Variants in RGS5 observed in about 807,000 individuals in gnomAD.
RGS5 encodes regulator of G protein signaling 5.
A neutral mutation model predicts 18.9 loss-of-function variants in RGS5; 20 were observed. The observed-to-expected ratio is 1.06, with a 90% CI of 0.74 to 1.54. RGS5 has a LOEUF of 1.54. Among genes scored for constraint, RGS5 ranks in the 40% most tolerant of loss-of-function variants. The pLI, the probability that RGS5 is intolerant of heterozygous loss-of-function variation, is 0.00. For missense variants in RGS5, 201 were observed against 211.8 expected, an observed-to-expected ratio of 0.95 and a Z score of 0.32; for synonymous variants, 57 against 76.2, an observed-to-expected ratio of 0.75 and a Z score of 1.31.
upstream of RGS5, among the ~76,000 whole-genome samples, chr1:163,203,723 G>C (rs1226916159): frequency 6.6e-6 from 1 of 152,140 alleles, no homozygotes; most frequent in East Asian, 1.9e-4. Flanking sequence ...ATTATACTTT[G>C]CTTGGATGAC....
At chr1:163,291,242 T>G (rs1649277875) in intron 2 of RGS5, among the ~76,000 whole-genome samples, 4 of 152,196 alleles carry the variant, frequency 2.6e-5, no homozygotes, top group Admixed American at 2.0e-4. Context: ...GTTTTGCGTT[T>G]GCAAAAATTG....
At chr1:163,191,826 G>A (rs1276638188) in intron 1 of RGS5, among the ~76,000 whole-genome samples, 1 of 152,168 alleles carries the variant, frequency 6.6e-6, no homozygotes, top group Non-Finnish European at 1.5e-5. Context: ...AAACTATGAT[G>A]AGAAGCTTGG....
intron 2 of RGS5, among the ~76,000 whole-genome samples, chr1:163,229,184 G>A (rs1046455863): frequency 1.3e-5 from 2 of 152,156 alleles, no homozygotes; most frequent in African/African-American, 4.8e-5. Flanking sequence ...ATATATAAAG[G>A]AAAGAGGTTT....
intron 1 of RGS5, among the ~76,000 whole-genome samples, chr1:163,171,431 A>T (rs1658292427): frequency 6.6e-6 from 1 of 152,132 alleles, no homozygotes; most frequent in African/African-American, 2.4e-5. Flanking sequence ...TCCATGCTGC[A>T]ACTGTTTTCA....
Position 163,209,155 on chromosome 1 carries a change from A to G in RGS5, c.69+8371T>C, listed in dbSNP as rs1215018588. Among the ~76,000 whole-genome samples, 6 of 152,346 alleles carry G rather than the reference A, an allele frequency of 3.9e-5. No individual in the cohort carries two copies. In the East Asian group the frequency reaches 7.7e-4, roughly 20 times the overall value. ...ACCAAAAAGGCCCTTCCTCCTGGAA[A>G]TTCAAAAACTTTCTATTAAATAACT... is the stretch of plus-strand genomic sequence containing the variant. On this transcript the variant is annotated intron_variant, in intron 1 of 5. Transcript: ENST00000367903.
At chr1:163,208,974 T>C (rs1171545056) in intron 1 of RGS5, among the ~76,000 whole-genome samples, 2 of 152,106 alleles carry the variant, frequency 1.3e-5, no homozygotes, top group East Asian at 3.8e-4. Context: ...ACCCTGCTAA[T>C]AGAGAATCTA....
intron 1 of RGS5, among the ~76,000 whole-genome samples, chr1:163,178,190 A>G (rs1171494054): frequency 1.3e-5 from 2 of 152,192 alleles, no homozygotes; most frequent in Non-Finnish European, 2.9e-5. Flanking sequence ...ACGTGCCTGT[A>G]GTCCCAGCTA....
At chr1:163,160,020 G>C (rs922516209) in intron 3 of RGS5, among the ~76,000 whole-genome samples, 1 of 152,128 alleles carries the variant, frequency 6.6e-6, no homozygotes, top group Non-Finnish European at 1.5e-5. Flanking sequence ...CTGTTTGCAA[G>C]CTGAAAATCT....
chr1:163,203,626 C>T (rs1659858625), upstream of RGS5, among the ~76,000 whole-genome samples: 1 of 152,140 alleles, frequency 6.6e-6, no homozygotes, highest in African/African-American at 2.4e-5. Context: ...AAAAAGTGAT[C>T]TAGGAGACCA....
chr1:163,152,619 G>A lies in RGS5; in HGVS notation c.315C>T (p.Ser105=), dbSNP rs1000650062. ...IACEDYKKIK[S]PAKMAEKAKQ... ...TTGCCTTCTCAGCCATCTTGGCAGG[G>A]GACTTGATCTTCTTGTAATCCTCAC... Residue 105 remains serine, a synonymous_variant, in exon 4 of 5, where the codon TCC becomes TCT. Coordinates refer to ENST00000313961, the MANE Select transcript of RGS5 (RefSeq NM_003617.4). 2 of 1,612,586 alleles carry A rather than the reference G, an allele frequency of 1.2e-6. No homozygotes were observed. The highest frequency in any genetic ancestry group is 1.1e-5 in the South Asian group (1 of 90,742).
intron 2 of RGS5, among the ~76,000 whole-genome samples, chr1:163,229,232 G>A (rs747528427): frequency 6.6e-6 from 1 of 152,164 alleles, no homozygotes; most frequent in Non-Finnish European, 1.5e-5. Flanking sequence ...GGAGGCCTCA[G>A]GAAACTTACA....
At chr1:163,244,375 G>A (rs981402323) in intron 2 of RGS5, 1 of 152,150 alleles carries the variant, frequency 6.6e-6, no homozygotes, top group Non-Finnish European at 1.5e-5. Flanking sequence ...AATGCATTAT[G>A]CTACTCCTGC....
chr1:163,177,177 T>C (rs1425628439), intron 1 of RGS5, among the ~76,000 whole-genome samples: 7 of 152,220 alleles, frequency 4.6e-5, no homozygotes, highest in Admixed American at 3.3e-4. Flanking sequence ...ACCCATTCCA[T>C]AGAAAGGTTT....
intron 2 of RGS5, among the ~76,000 whole-genome samples, chr1:163,278,358 A>G (rs1648909119): frequency 6.6e-6 from 1 of 152,172 alleles, no homozygotes; most frequent in South Asian, 2.1e-4. Flanking sequence ...CTGCTGGAAA[A>G]AAGTACTATA....
chr1:163,316,375 C>T (rs893855197), intron 1 of RGS5, among the ~76,000 whole-genome samples: 3 of 151,966 alleles, frequency 2.0e-5, no homozygotes, highest in African/African-American at 7.3e-5. Context: ...TGTCTCATGC[C>T]CTTAATATAA....
At position 163,152,530 on chromosome 1, in the gene RGS5, C is replaced by G; in HGVS notation, c.384+20G>C. On this transcript the variant is annotated intron_variant, in intron 4 of 4. Coordinates refer to ENST00000313961, the MANE Select transcript of RGS5 (RefSeq NM_003617.4). ...AGCTAATGAGCTGCCCTTAACTGAC[C>G]CACCTACCCAGAGACCAACCTCTTT... is the stretch of plus-strand genomic sequence containing the variant. 6.3e-7 allele frequency: 1 copy of G among 1,596,370 alleles called. No homozygotes were observed. Among genetic ancestry groups the G allele is most frequent in the Non-Finnish European group, 8.5e-7 (1 of 1,172,872 alleles).
intron 1 of RGS5, among the ~76,000 whole-genome samples, chr1:163,179,137 G>A (rs1658694900): frequency 6.6e-6 from 1 of 152,156 alleles, no homozygotes; most frequent in African/African-American, 2.4e-5. Context: ...TGAACTCTTA[G>A]AAAATCCAAT....
chr1:163,198,829 G>T (rs761557961), intron 1 of RGS5, among the ~76,000 whole-genome samples: 10 of 151,736 alleles, frequency 6.6e-5, no homozygotes, highest in Non-Finnish European at 8.8e-5. Context: ...TTTATTTTTT[G>T]TTGTTGTTTG....
chr1:163,175,428 C>T (rs1477830089), intron 1 of RGS5, among the ~76,000 whole-genome samples: 2 of 152,084 alleles, frequency 1.3e-5, no homozygotes, highest in African/African-American at 4.8e-5. Flanking sequence ...TAGGTGGCTC[C>T]GAGACAGGGT....
Sources: allele counts gnomAD v4.1 joint callset (sites outside exome capture counted in the v4.1 genomes callset), GRCh38; gene constraint gnomAD v4.1.1; transcripts MANE v1.5; gene names NCBI Gene and HGNC (gene_info 2026-07-23, HGNC 2026-07-21).